CDCA7L: variants seen among roughly 807,000 people sequenced by gnomAD.
The protein encoded by CDCA7L is cell division cycle-associated 7-like protein.
Under a neutral mutation model 57.4 loss-of-function variants are expected in CDCA7L, and 44 were observed. The observed-to-expected ratio is 0.77, with a 90% CI of 0.60 to 0.98. The LOEUF (loss-of-function observed/expected upper bound fraction) is 0.98. CDCA7L is among the 50% of genes least tolerant of loss of function. CDCA7L has a pLI of 0.00. For synonymous variants in CDCA7L, 236 were observed against 202.8 expected (o/e 1.16, Z -1.39); for missense variants, 644 against 580.6 (o/e 1.11, Z -1.12).
chr7:21,932,139 A>G (rs1295626204), intron 1 of CDCA7L, among the ~76,000 whole-genome samples: 1 of 152,234 alleles, frequency 6.6e-6, no homozygotes, highest in African/African-American at 2.4e-5. Context: ...CCACTGCTCA[A>G]GGAAGTAAGA....
intron 8 of CDCA7L, among the ~76,000 whole-genome samples, chr7:21,903,422 G>A (rs149810009): frequency 2.0e-5 from 3 of 152,270 alleles, no homozygotes; most frequent in African/African-American, 7.2e-5. Context: ...TGTCAGCCCT[G>A]GTTTAGGAGC....
At chr7:21,939,367 A>T (rs1214701116) in intron 1 of CDCA7L, among the ~76,000 whole-genome samples, 5 of 152,224 alleles carry the variant, frequency 3.3e-5, no homozygotes, top group Admixed American at 3.3e-4. Context: ...AAAAAGCCCC[A>T]CAGGGTAGTC....
At chr7:21,911,536 G>A (rs1198021252) in intron 3 of CDCA7L, 81 bp downstream of exon 3, 3 of 1,458,460 alleles carry the variant, frequency 2.1e-6, no homozygotes, top group African/African-American at 2.9e-5. Flanking sequence ...CACTTGTGAA[G>A]TGACTGCTTA....
chr7:21,916,749 C>G lies in CDCA7L; in HGVS notation c.165+5G>C, dbSNP rs1044128930. 2 of 1,613,478 alleles carry G rather than the reference C, an allele frequency of 1.2e-6. No homozygotes were observed. Among genetic ancestry groups the G allele is most frequent in the African/African-American group, 2.7e-5 (2 of 74,874 alleles). ...ACACATCTGCTTGGAAGGAATCATC[C>G]ATACCTGTTTCCCTGACTCTAGTGA... On this transcript the variant is annotated splice_donor_5th_base_variant and intron_variant, in intron 2 of 9. Transcript: ENST00000406877.
At chr7:21,916,981 A>C in intron 1 of CDCA7L, 87 bp from the exon 2 acceptor site, 164 of 1,470,248 alleles carry the variant, frequency 1.1e-4, no homozygotes, top group Non-Finnish European at 1.4e-4. Flanking sequence ...GAGAGATCTC[A>C]TCACTTCATC....
intron 1 of CDCA7L, among the ~76,000 whole-genome samples, chr7:21,929,538 G>A (rs547266572): frequency 2.1e-4 from 31 of 149,244 alleles, no homozygotes; most frequent in African/African-American, 3.7e-4. Context: ...AAGACCCATC[G>A]GTGTGCTGTA....
intron 1 of CDCA7L, among the ~76,000 whole-genome samples, chr7:21,927,928 GAGC>G (rs1351740615): frequency 1.3e-5 from 2 of 152,188 alleles, no homozygotes; most frequent in Non-Finnish European, 2.9e-5. Flanking sequence ...AGCTCTAAAG[GAGC>G]AGCAGATCTC....
At chr7:21,906,191 G>C in intron 6 of CDCA7L, 98 bp downstream of exon 6, 1 of 1,176,968 alleles carries the variant, frequency 8.5e-7, no homozygotes, top group Non-Finnish European at 1.2e-6. Context: ...GCAGACCCAC[G>C]GGGTCAGAAC....
At chr7:21,940,620 G>T (rs944647494) in intron 1 of CDCA7L, among the ~76,000 whole-genome samples, 2 of 152,204 alleles carry the variant, frequency 1.3e-5, no homozygotes, top group African/African-American at 4.8e-5. Context: ...AGCGGTGGGG[G>T]CAATGGATGG....
chr7:21,937,082 G>C (rs1786190550), intron 1 of CDCA7L, among the ~76,000 whole-genome samples: 1 of 152,048 alleles, frequency 6.6e-6, no homozygotes, highest in Non-Finnish European at 1.5e-5. Context: ...TTAGAAATAA[G>C]TTTAACCAAA....
At chr7:21,908,732 C>T (rs1449387490) in intron 3 of CDCA7L, among the ~76,000 whole-genome samples, 1 of 152,162 alleles carries the variant, frequency 6.6e-6, no homozygotes, top group East Asian at 1.9e-4. Flanking sequence ...CACCATCATA[C>T]CCGCGACAGA....
intron 1 of CDCA7L, chr7:21,940,196 G>A (rs554135296): frequency 1.0e-5 from 3 of 296,984 alleles, no homozygotes; most frequent in South Asian, 2.6e-4. Flanking sequence ...ATATTCCACT[G>A]GCCAAAGCAA....
intron 1 of CDCA7L, among the ~76,000 whole-genome samples, chr7:21,925,333 T>C (rs1324093372): frequency 6.6e-6 from 1 of 152,130 alleles, no homozygotes; most frequent in Non-Finnish European, 1.5e-5. Flanking sequence ...ATCTAGCAAT[T>C]TAGCAACATT....
At chr7:21,938,240 T>A (rs946534114) in intron 1 of CDCA7L, among the ~76,000 whole-genome samples, 1 of 152,068 alleles carries the variant, frequency 6.6e-6, no homozygotes, top group Non-Finnish European at 1.5e-5. Flanking sequence ...GCAAAGGACT[T>A]GAATTAACAT....
At chr7:21,934,404 ACTAT>A (rs768752436) in intron 1 of CDCA7L, among the ~76,000 whole-genome samples, 20 of 152,302 alleles carry the variant, frequency 1.3e-4, no homozygotes, top group African/African-American at 3.4e-4. Context: ...TAACACAAAA[ACTAT>A]CTAAGAAGAA....
chr7:21,902,260 A>G lies in CDCA7L; in HGVS notation c.*62T>C, dbSNP rs1784924296. On this transcript the variant is annotated 3_prime_UTR_variant, in exon 10 of 10. Coordinates refer to ENST00000406877, the MANE Select transcript of CDCA7L (RefSeq NM_018719.5). The stretch of plus-strand genomic sequence containing the variant: ...GTAAAAAAATCTTTCTTAGGCACCA[A>G]TGGTATGCATGTCTTGTTGGAGTAC... The G allele has an allele frequency of 1.4e-6, 2 of 1,457,622 alleles. No individual in the cohort carries two copies. Among genetic ancestry groups the G allele is most frequent in the Non-Finnish European group, 1.9e-6 (2 of 1,038,758 alleles). The allele number at this position is 1,457,622 out of a possible 1,614,324, so 90.3% of individuals were successfully genotyped here. A position where few individuals can be genotyped will look rare whatever the true frequency, so the allele number is the denominator to read the frequency against.
rs74464005 is a variant in CDCA7L, at chr7:21,909,280, G to C, written c.304-773C>G. 1.0e-3 allele frequency among the ~76,000 whole-genome samples: 156 copies of C among 152,254 alleles called. 1 individual carries two copies. The highest frequency in any genetic ancestry group is 3.6e-3 in the African/African-American group (151 of 41,550). ...CTAGGTGACAGCTTGGATGTGACGG[G>C]ACTCTTAGCAGTGGTACAGAGACAG... On this transcript the variant is annotated intron_variant, in intron 3 of 9. Coordinates refer to ENST00000406877, the MANE Select transcript of CDCA7L (RefSeq NM_018719.5).
chr7:21,910,754 T>A (rs554052418), intron 3 of CDCA7L, among the ~76,000 whole-genome samples: 28 of 152,300 alleles, frequency 1.8e-4, no homozygotes, highest in African/African-American at 6.5e-4. Context: ...AACAAGTCTG[T>A]TCATAGGAAG....
At chr7:21,932,355 G>A (rs1304835161) in intron 1 of CDCA7L, among the ~76,000 whole-genome samples, 3 of 152,088 alleles carry the variant, frequency 2.0e-5, no homozygotes. Context: ...ACAATCCTAA[G>A]CAAAAAGAAC....
Sources: gnomAD v4.1 joint callset for allele counts (sites outside exome capture counted in the v4.1 genomes callset) on GRCh38, gnomAD v4.1.1 for gene constraint, MANE v1.5 for transcripts, NCBI Gene and HGNC (gene_info 2026-07-23, HGNC 2026-07-21) for gene names.